Variants in TRIQK observed in about 807,000 individuals in gnomAD.
TRIQK encodes the protein triple QxxK/R motif-containing protein.
Under a neutral mutation model 10.8 loss-of-function variants are expected in TRIQK, and 10 were observed. The ratio of observed to expected loss-of-function variants is 0.92; its 90% CI spans 0.57 to 1.57. The LOEUF (loss-of-function observed/expected upper bound fraction) is 1.57. TRIQK is among the 40% of genes most tolerant of loss of function. The probability of loss-of-function intolerance (pLI) is 0.00; values close to 1 mark genes in which losing one functional copy is unlikely to be tolerated. For missense variants in TRIQK, 107 were observed against 97.7 expected (o/e 1.09, Z -0.40); for synonymous variants, 33 against 33.7 (o/e 0.98, Z 0.07).
At chr8:92,964,739 G>A (rs1475453911) in intron 1 of TRIQK, 2 of 152,038 alleles carry the variant, frequency 1.3e-5, no homozygotes, top group Non-Finnish European at 2.9e-5. Context: ...TTACATTTGT[G>A]TGGATCATTA....
intron 4 of TRIQK, among the ~76,000 whole-genome samples, chr8:92,891,752 C>T (rs1018107031): frequency 2.6e-5 from 4 of 151,814 alleles, no homozygotes; most frequent in Non-Finnish European, 5.9e-5. Context: ...AAATAAATTG[C>T]ACCTTTAAGT....
intron 2 of TRIQK, among the ~76,000 whole-genome samples, chr8:92,928,198 G>A (rs189918834): frequency 6.6e-6 from 1 of 152,156 alleles, no homozygotes; most frequent in East Asian, 1.9e-4. Context: ...GTCAGGTAGG[G>A]CAGTGAGAAA....
At chr8:92,886,874 TACCATTTTTTGCC>T (rs59695699) in intron 4 of TRIQK, 139 bp from the exon 5 acceptor site, 49,590 of 539,678 alleles carry the variant, frequency 0.092, 2,934 homozygotes, top group Middle Eastern at 0.16. Context: ...CCTTTTTGTT[TACCATTTTTTGCC>T]GTTAAGAAAC....
chr8:92,987,513 T>G (rs1813046929), intron 1 of TRIQK, among the ~76,000 whole-genome samples: 1 of 152,216 alleles, frequency 6.6e-6, no homozygotes, highest in African/African-American at 2.4e-5. Flanking sequence ...AGCACAAACA[T>G]AGAATGAATG....
intron 1 of TRIQK, among the ~76,000 whole-genome samples, chr8:92,994,677 C>T (rs1813134585): frequency 6.6e-6 from 1 of 151,538 alleles, no homozygotes. Flanking sequence ...TCTTCCAATT[C>T]TTGACACTCA....
intron 4 of TRIQK, among the ~76,000 whole-genome samples, chr8:92,890,879 GC>G (rs768418837): frequency 3.9e-4 from 59 of 151,760 alleles, no homozygotes; most frequent in Non-Finnish European, 8.1e-4. Context: ...TCTCAACACT[GC>G]TTTTTAAAAA....
chr8:92,990,501 A>C (rs970520325), intron 1 of TRIQK, among the ~76,000 whole-genome samples: 1 of 152,192 alleles, frequency 6.6e-6, no homozygotes, highest in Non-Finnish European at 1.5e-5. Context: ...TGCAGCTCCC[A>C]GCAAGATCAA....
At chr8:93,008,972 A>T (rs1813301740) in intron 1 of TRIQK, among the ~76,000 whole-genome samples, 1 of 152,204 alleles carries the variant, frequency 6.6e-6, no homozygotes. Context: ...GACAAATAAG[A>T]TTACATCAGA....
At chr8:92,993,258 T>C (rs1308055940) in intron 1 of TRIQK, among the ~76,000 whole-genome samples, 1 of 152,200 alleles carries the variant, frequency 6.6e-6, no homozygotes, top group Admixed American at 6.5e-5. Context: ...GTCACTGTTA[T>C]CTTCCCTATC....
chr8:92,967,408 T>G (rs1812794795), upstream of TRIQK, among the ~76,000 whole-genome samples: 1 of 152,216 alleles, frequency 6.6e-6, no homozygotes, highest in Non-Finnish European at 1.5e-5. Context: ...CAAATAATTT[T>G]ACACTCTTGA....
At chr8:92,992,540 G>A (rs1057407888) in intron 1 of TRIQK, among the ~76,000 whole-genome samples, 22 of 152,208 alleles carry the variant, frequency 1.4e-4, no homozygotes, top group Non-Finnish European at 3.1e-4. Flanking sequence ...CCAGGATACT[G>A]TCTCAGGCCC....
In TRIQK at chr8:92,888,210, C is replaced by T. The variant is rs148321111; in HGVS notation, c.148-1475G>A. 3.6e-3 allele frequency among the ~76,000 whole-genome samples: 543 copies of T among 151,772 alleles called. 10 individuals carry two copies. The highest frequency in any genetic ancestry group is 0.031 in the Admixed American group (468 of 15,176). Reference sequence around the variant, plus strand: ...AAACTGTTCAACAGCAGTCCCCATTCGCCCAAGCTTAATGCAAGAATTAAG... The same window carrying T: ...AAACTGTTCAACAGCAGTCCCCATTTGCCCAAGCTTAATGCAAGAATTAAG... On this transcript the variant is annotated intron_variant, in intron 4 of 4. Coordinates refer to ENST00000521988, the MANE Select transcript of TRIQK (RefSeq NM_001171797.2).
intron 1 of TRIQK, among the ~76,000 whole-genome samples, chr8:92,984,596 CATT>C (rs1813015061): frequency 6.6e-6 from 1 of 152,136 alleles, no homozygotes; most frequent in East Asian, 1.9e-4. Flanking sequence ...TTGTTACAGA[CATT>C]ATTCGACCTT....
At chr8:92,970,937 T>A (rs1362411917), upstream of TRIQK, among the ~76,000 whole-genome samples, 1 of 152,216 alleles carries the variant, frequency 6.6e-6, no homozygotes, top group Non-Finnish European at 1.5e-5. Context: ...GGGTTTTACA[T>A]TTAAGTCTTT....
chr8:93,012,778 T>G (rs1813348401), intron 1 of TRIQK, among the ~76,000 whole-genome samples: 1 of 152,124 alleles, frequency 6.6e-6, no homozygotes, highest in Non-Finnish European at 1.5e-5. Context: ...TAAAAAATAT[T>G]CCTAAATAAT....
At chr8:92,994,186 G>A (rs564591487) in intron 1 of TRIQK, among the ~76,000 whole-genome samples, 28 of 152,148 alleles carry the variant, frequency 1.8e-4, no homozygotes, top group African/African-American at 4.1e-4. Flanking sequence ...ATATTGTATC[G>A]TGTATACAGG....
chr8:92,903,084 T>C (rs1809043385), intron 3 of TRIQK, among the ~76,000 whole-genome samples: 1 of 151,940 alleles, frequency 6.6e-6, no homozygotes, highest in Non-Finnish European at 1.5e-5. Flanking sequence ...ATTTTAACTT[T>C]CCAGACTAAC....
chr8:92,978,953 A>T (rs555044368), intron 1 of TRIQK, among the ~76,000 whole-genome samples: 1 of 152,226 alleles, frequency 6.6e-6, no homozygotes, highest in African/African-American at 2.4e-5. Flanking sequence ...TCCAATGAAC[A>T]CTTATTGCAT....
chr8:92,924,697 A>G (rs1423929214), intron 2 of TRIQK, among the ~76,000 whole-genome samples: 1 of 151,904 alleles, frequency 6.6e-6, no homozygotes, highest in East Asian at 1.9e-4. Context: ...ATACACAATT[A>G]TAATATTAAA....
Sources: allele counts gnomAD v4.1 joint callset (sites outside exome capture counted in the v4.1 genomes callset), GRCh38; gene constraint gnomAD v4.1.1; transcripts MANE v1.5; gene names NCBI Gene and HGNC (gene_info 2026-07-23, HGNC 2026-07-21).